IMMP2L: variants seen among roughly 807,000 people sequenced by gnomAD.
The protein encoded by IMMP2L is inner mitochondrial membrane peptidase subunit 2.
IMMP2L carries 18 observed loss-of-function variants against 19.3 expected under a neutral mutation model. That is an observed-to-expected ratio of 0.93 (90% CI 0.64 to 1.38). IMMP2L has a LOEUF of 1.38. IMMP2L is among the 40% of genes most tolerant of loss of function. The pLI is 0.00. For missense variants in IMMP2L, 233 were observed against 218.2 expected, an observed-to-expected ratio of 1.07 and a Z score of -0.43; for synonymous variants, 76 against 73.0, an observed-to-expected ratio of 1.04 and a Z score of -0.21.
intron 3 of IMMP2L, among the ~76,000 whole-genome samples, chr7:111,191,473 CAA>C (rs1296365278): frequency 5.1e-4 from 66 of 129,960 alleles, no homozygotes; most frequent in African/African-American, 1.6e-3. Flanking sequence ...CACACACACA[CAA>C]AACTTATATG....
rs1443462385 is a variant in IMMP2L at position 110,760,766 on chromosome 7, T to C, written c.409-97045A>G. ...AATATCTCAAAAGGTTTGCTGACTA[T>C]TGTTAACAGCTCTGACTAAACACCT... On this transcript the variant is annotated intron_variant, in intron 5 of 5. Coordinates refer to ENST00000405709, the MANE Select transcript of IMMP2L (RefSeq NM_032549.4). This position sits in a 1 kb window ranked among gnomAD's most constrained non-coding sequence, Gnocchi z 4.2. Among the ~76,000 whole-genome samples, 2 of 152,146 alleles carry C rather than the reference T, an allele frequency of 1.3e-5. No homozygotes were observed. Among genetic ancestry groups the C allele is most frequent in the Non-Finnish European group, 2.9e-5 (2 of 68,020 alleles).
chr7:111,302,446 C>G (rs1334644226), intron 3 of IMMP2L, among the ~76,000 whole-genome samples: 1 of 152,044 alleles, frequency 6.6e-6, no homozygotes, highest in African/African-American at 2.4e-5. Flanking sequence ...ATAATAAGTA[C>G]AGCAATAACA....
At chr7:110,897,216 T>C (rs1811411461) in intron 4 of IMMP2L, among the ~76,000 whole-genome samples, 3 of 152,108 alleles carry the variant, frequency 2.0e-5, no homozygotes, top group African/African-American at 4.8e-5. Flanking sequence ...AGGCAAAATG[T>C]GCCACAAATA....
intron 3 of IMMP2L, among the ~76,000 whole-genome samples, chr7:111,113,405 G>A (rs571309942): frequency 7.7e-4 from 116 of 151,366 alleles, no homozygotes; most frequent in African/African-American, 2.6e-3. Context: ...TTGTATACAT[G>A]TCTATCATGT....
chr7:111,009,051 C>T (rs1489911184), intron 3 of IMMP2L, among the ~76,000 whole-genome samples: 1 of 152,034 alleles, frequency 6.6e-6, no homozygotes, highest in Non-Finnish European at 1.5e-5. Context: ...GTATTTGCTT[C>T]ATATCATTTT....
chr7:111,136,736 G>A (rs1325165380), intron 3 of IMMP2L, among the ~76,000 whole-genome samples: 1 of 152,140 alleles, frequency 6.6e-6, no homozygotes, highest in Non-Finnish European at 1.5e-5. Flanking sequence ...AATTCTACTT[G>A]ATCCCAAATG....
At chr7:110,894,662 T>C (rs998162067) in intron 4 of IMMP2L, among the ~76,000 whole-genome samples, 1 of 152,206 alleles carries the variant, frequency 6.6e-6, no homozygotes, top group Admixed American at 6.5e-5. Context: ...TCTGTGCTTT[T>C]AAATTTTTAA....
At chr7:111,119,377 G>C (rs889426943) in intron 3 of IMMP2L, among the ~76,000 whole-genome samples, 7 of 152,126 alleles carry the variant, frequency 4.6e-5, no homozygotes, top group Non-Finnish European at 1.0e-4. Flanking sequence ...TTTTACTAAA[G>C]AAATCAACCA....
At chr7:111,559,833 C>T (rs527265438) in intron 1 of IMMP2L, among the ~76,000 whole-genome samples, 2 of 152,110 alleles carry the variant, frequency 1.3e-5, no homozygotes, top group East Asian at 1.9e-4. Context: ...ATTTTAATGG[C>T]CCAAAGTGAC....
At chr7:111,398,704 A>G (rs923843092) in intron 3 of IMMP2L, among the ~76,000 whole-genome samples, 1 of 152,048 alleles carries the variant, frequency 6.6e-6, no homozygotes, top group Non-Finnish European at 1.5e-5. Context: ...TGCTGAAAAC[A>G]TGATCATTTA....
intron 3 of IMMP2L, among the ~76,000 whole-genome samples, chr7:111,047,025 A>G (rs866919961): frequency 2.0e-5 from 3 of 152,180 alleles, no homozygotes; most frequent in South Asian, 4.1e-4. Flanking sequence ...TGCTACTTTC[A>G]TATAGCTCCT....
chr7:111,394,661 C>A (rs1269473723), intron 3 of IMMP2L, among the ~76,000 whole-genome samples: 2 of 152,048 alleles, frequency 1.3e-5, no homozygotes, highest in South Asian at 2.1e-4. Flanking sequence ...TAATAAAGTT[C>A]TTTCATCTCA....
At chr7:110,887,999 T>G (rs1484055470) in intron 4 of IMMP2L, among the ~76,000 whole-genome samples, 1 of 152,140 alleles carries the variant, frequency 6.6e-6, no homozygotes, top group Non-Finnish European at 1.5e-5. Flanking sequence ...CTACAGAAAC[T>G]GAAACTATTC....
chr7:111,511,023 G>A (rs1347486291), intron 2 of IMMP2L, among the ~76,000 whole-genome samples: 1 of 151,966 alleles, frequency 6.6e-6, no homozygotes, highest in Non-Finnish European at 1.5e-5. Context: ...ATTTTTCATG[G>A]GCCAGGCCTA....
rs546309544 is a variant in IMMP2L at position 111,433,448 on chromosome 7, G to C, written c.239+53790C>G. Among the ~76,000 whole-genome samples the C allele has an allele frequency of 2.4e-4, 36 of 151,920 alleles. 3 individuals carry two copies. The highest frequency in any genetic ancestry group is 8.5e-4 in the African/African-American group (35 of 41,284). On this transcript the variant is annotated intron_variant, in intron 3 of 5. Transcript: ENST00000405709. ...CAGCAGGCAAGGAGAGAAATGATGA[G>C]GAAGACATGAAAGCAGAAACCCCTT...
rs549586021 is a variant in IMMP2L, at chr7:110,877,983, G to C, written c.408+8610C>G. Among the ~76,000 whole-genome samples the C allele has an allele frequency of 6.6e-6, 1 of 152,240 alleles. No homozygotes were observed. Among genetic ancestry groups the C allele is most frequent in the South Asian group, 2.1e-4 (1 of 4,820 alleles). On this transcript the variant is annotated intron_variant, in intron 5 of 5. Transcript: ENST00000405709. This position sits in a 1 kb window ranked among gnomAD's most constrained non-coding sequence, Gnocchi z 4.0. ...AACTTCACCAGTTGATCACAGGCAGGATTTCAGCCATCTAAGCACTTAGCT... is the reference window on the plus strand; with the variant it reads ...AACTTCACCAGTTGATCACAGGCAGCATTTCAGCCATCTAAGCACTTAGCT...
chr7:110,744,046 G>C (rs532133526), intron 5 of IMMP2L, among the ~76,000 whole-genome samples: 7 of 152,136 alleles, frequency 4.6e-5, no homozygotes, highest in African/African-American at 1.7e-4. Flanking sequence ...GTCTGAGTTC[G>C]ACCTGGGACA....
intron 5 of IMMP2L, among the ~76,000 whole-genome samples, chr7:110,857,883 G>C (rs1227605489): frequency 1.3e-5 from 2 of 151,928 alleles, no homozygotes; most frequent in Non-Finnish European, 2.9e-5. Context: ...ATATTAAAAA[G>C]ACACTGCTAG....
At chr7:110,749,799 G>A (rs1229580324) in intron 5 of IMMP2L, among the ~76,000 whole-genome samples, 3 of 152,038 alleles carry the variant, frequency 2.0e-5, no homozygotes, top group Non-Finnish European at 4.4e-5. Context: ...TAACGTAGAT[G>A]ATGGGTTGAA....
Sources: gnomAD v4.1 joint callset for allele counts (sites outside exome capture counted in the v4.1 genomes callset) on GRCh38, gnomAD v4.1.1 for gene constraint, Gnocchi (gnomAD v3.1) non-coding constraint, MANE v1.5 for transcripts, NCBI Gene and HGNC (gene_info 2026-07-23, HGNC 2026-07-21) for gene names.